Variants in B4GALNT3 observed in about 807,000 individuals in gnomAD.
B4GALNT3 encodes beta-1,4-N-acetylgalactosaminyltransferase 3.
A neutral mutation model predicts 120.2 loss-of-function variants in B4GALNT3; 86 were observed. The ratio of observed to expected loss-of-function variants is 0.72; its 90% confidence interval spans 0.60 to 0.86. B4GALNT3 has a LOEUF of 0.86. B4GALNT3 is among the 40% of genes least tolerant of loss of function. The pLI, the probability that B4GALNT3 is intolerant of heterozygous loss-of-function variation, is 0.00. For synonymous variants in B4GALNT3, 518 were observed against 510.4 expected (o/e 1.01, Z -0.20); for missense variants, 1,167 against 1,298.9 (o/e 0.90, Z 1.56).
chr12:545,649 AGTGAGGAGTGGGGAGGAGCGAGGT>A (rs1565608054), intron 6 of B4GALNT3, among the ~76,000 whole-genome samples, 180 bp downstream of exon 6: 4 of 144,880 alleles, frequency 2.8e-5, no homozygotes, highest in African/African-American at 1.0e-4. Flanking sequence ...GATGGGGAGG[AGTGAGGAGTGGGGAGGAGCGAGGT>A]GTGGGGAGGA....
chr12:511,694 T>TCCAC (rs1946566473), intron 1 of B4GALNT3, among the ~76,000 whole-genome samples: 4 of 23,348 alleles, frequency 1.7e-4, no homozygotes, highest in Admixed American at 5.6e-4. Flanking sequence ...CCACCTTCTG[T>TCCAC]CTTCCACCTT....
chr12:547,916 AAGG>A, intron 7 of B4GALNT3, 105 bp from the exon 8 acceptor site: 1 of 912,872 alleles, frequency 1.1e-6, no homozygotes, highest in Non-Finnish European at 1.8e-6. Flanking sequence ...TTCTAAGAGC[AAGG>A]AGAAGGGATG....
intron 1 of B4GALNT3, 119 bp from the exon 2 acceptor site, chr12:535,045 CCA>C: frequency 1.3e-6 from 1 of 773,722 alleles, no homozygotes; most frequent in Middle Eastern, 2.4e-4. Context: ...CTCTTCCCAC[CCA>C]CCCTCTGAAG....
At chr12:533,718 T>G (rs1946830248) in intron 1 of B4GALNT3, among the ~76,000 whole-genome samples, 1 of 151,880 alleles carries the variant, frequency 6.6e-6, no homozygotes, top group Non-Finnish European at 1.5e-5. Flanking sequence ...TCTCAGGAGG[T>G]TCTTAGAAGG....
chr12:485,594 A>G (rs1946283473), intron 1 of B4GALNT3, among the ~76,000 whole-genome samples: 1 of 152,208 alleles, frequency 6.6e-6, no homozygotes, highest in Non-Finnish European at 1.5e-5. Context: ...AATGACAACA[A>G]TGATTCTCAA....
chr12:558,426 T>C lies in B4GALNT3; in HGVS notation c.2608-82T>C, dbSNP rs1947185302. On this transcript the variant is annotated intron_variant, in intron 17 of 19. Transcript: ENST00000266383. ...TGTGAATCACTCCAATAGGGAAGAC[T>C]CCGAGGCTTCTCCTAGACGGCGACC... is the stretch of plus-strand genomic sequence containing the variant. The C allele has an allele frequency of 2.2e-6, 3 of 1,361,810 alleles. No individual in the cohort carries two copies. In the Admixed American group the frequency reaches 5.6e-5, roughly 25 times the overall value. The allele number at this position is 1,361,810 out of a possible 1,614,324, so 84.4% of individuals were successfully genotyped here.
In B4GALNT3 at chr12:526,674, G is replaced by A. The variant is rs185530778; in HGVS notation, c.170-8492G>A. Among the ~76,000 whole-genome samples, 458 of 152,166 alleles carry A rather than the reference G, an allele frequency of 3.0e-3. 1 individual carries two copies. Among genetic ancestry groups the A allele is most frequent in the Non-Finnish European group, 5.6e-3 (379 of 68,006 alleles). On this transcript the variant is annotated intron_variant, in intron 1 of 19. Coordinates refer to ENST00000266383, the MANE Select transcript of B4GALNT3 (RefSeq NM_173593.4). ...GGGCCCTTAAATGTTATAGGTGTTT[G>A]TTTGTTTGTTTGTTTGTAATGATGA...
rs556823085 is a variant in B4GALNT3 at position 548,366 on chromosome 12, C to CAGGGGAGG, written c.853+87_853+94dup. The CAGGGGAGG allele has an allele frequency of 1.3e-5, 19 of 1,497,002 alleles. No homozygotes were observed. The Admixed American group carries it at 1.4e-4, about 11-fold the overall frequency. 92.7% of individuals were successfully genotyped at this position (1,497,002 alleles called of 1,614,324 possible). A position where few individuals can be genotyped will look rare whatever the true frequency, so the allele number is the denominator to read the frequency against. Reference sequence around the variant, plus strand: ...GGACAGCCTACCCTGGGGGATTTGGCAGGGGAGGAGGGGAGGAGGGGAGGA... The same window carrying CAGGGGAGG: ...GGACAGCCTACCCTGGGGGATTTGGCAGGGGAGGAGGGGAGGAGGGGAGGAGGGGAGGA... On this transcript the variant is annotated intron_variant, in intron 9 of 19. Coordinates refer to ENST00000266383, the MANE Select transcript of B4GALNT3 (RefSeq NM_173593.4). The surrounding 1 kb of genome is among the most constrained non-coding windows in gnomAD (Gnocchi z 4.9).
chr12:552,327 A>C, intron 12 of B4GALNT3, 140 bp from the exon 13 acceptor site: 1 of 852,036 alleles, frequency 1.2e-6, no homozygotes, highest in South Asian at 1.6e-5. Flanking sequence ...ACACACACAC[A>C]CACACACACC....
intron 2 of B4GALNT3, among the ~76,000 whole-genome samples, chr12:535,666 AC>A (rs1289604913): frequency 1.3e-5 from 2 of 151,956 alleles, no homozygotes; most frequent in Admixed American, 1.3e-4. Flanking sequence ...GTGGATGGAC[AC>A]CCCTCCCTGC....
chr12:494,918 G>A (rs1160101217), intron 1 of B4GALNT3, among the ~76,000 whole-genome samples: 1 of 152,194 alleles, frequency 6.6e-6, no homozygotes, highest in African/African-American at 2.4e-5. Flanking sequence ...GGTTGAAAAT[G>A]TGAAAAGCCT....
At chr12:461,733 G>A (rs1273956131) in intron 1 of B4GALNT3, among the ~76,000 whole-genome samples, 2 of 152,216 alleles carry the variant, frequency 1.3e-5, no homozygotes, top group Non-Finnish European at 2.9e-5. Context: ...TGGCCAAAGA[G>A]AGAGAATTAC....
At position 561,377 on chromosome 12, in the gene B4GALNT3, T is replaced by C. The variant is rs201609633; in HGVS notation, c.2923T>C (p.Ser975Pro). The C allele has an allele frequency of 3.7e-6, 6 of 1,614,056 alleles. No individual in the cohort carries two copies. In the East Asian group the frequency reaches 1.3e-4, roughly 36 times the overall value. ...LQAGLDVERL[S>P]LRNFFHHFHS... ...AGCGGGCCTGGACGTGGAGCGTCTCTCCCTCAGGAATTTCTTCCATCATTT... is the reference window on the plus strand; with the variant it reads ...AGCGGGCCTGGACGTGGAGCGTCTCCCCCTCAGGAATTTCTTCCATCATTT... Residue 975 changes from serine to proline, a missense_variant, in exon 20 of 20, where the codon TCC becomes CCC. By Grantham distance (74) the Ser-to-Pro change is moderately conservative (BLOSUM62 -1). Transcript: ENST00000266383.
chr12:510,334 T>C (rs1203433111), intron 1 of B4GALNT3, among the ~76,000 whole-genome samples: 1 of 151,980 alleles, frequency 6.6e-6, no homozygotes, highest in African/African-American at 2.4e-5. Flanking sequence ...AAGAAGACTA[T>C]TGTGTCAACT....
chr12:535,648 G>C (rs1946851141), intron 2 of B4GALNT3, among the ~76,000 whole-genome samples: 1 of 152,326 alleles, frequency 6.6e-6, no homozygotes, highest in Admixed American at 6.5e-5. Context: ...GAGATCAGAG[G>C]TGACGAGGTG....
At chr12:512,567 C>G (rs1404474078) in intron 1 of B4GALNT3, among the ~76,000 whole-genome samples, 1 of 144,444 alleles carries the variant, frequency 6.9e-6, no homozygotes, top group East Asian at 2.1e-4. Flanking sequence ...TTCCACCTTC[C>G]ACCTTCCACC....
At chr12:553,116 A>T (rs945717094) in intron 13 of B4GALNT3, 78 bp from the exon 14 acceptor site, 7 of 1,559,116 alleles carry the variant, frequency 4.5e-6, no homozygotes, top group Non-Finnish European at 5.2e-6. Context: ...CACACGTATG[A>T]TCATCCTCTG....
At chr12:462,496 T>G (rs1565584757) in intron 1 of B4GALNT3, among the ~76,000 whole-genome samples, 1 of 151,352 alleles carries the variant, frequency 6.6e-6, no homozygotes, top group East Asian at 1.9e-4. Context: ...TCTGTTGGGT[T>G]CCCCTCCCAG....
chr12:473,050 C>G (rs1312685709), intron 1 of B4GALNT3, among the ~76,000 whole-genome samples: 1 of 151,664 alleles, frequency 6.6e-6, no homozygotes, highest in Non-Finnish European at 1.5e-5. Flanking sequence ...TTCACTGCAG[C>G]CTCGACTTCT....
Sources: gnomAD v4.1 joint callset for allele counts (sites outside exome capture counted in the v4.1 genomes callset) on GRCh38, gnomAD v4.1.1 for gene constraint, Gnocchi (gnomAD v3.1) non-coding constraint, MANE v1.5 for transcripts, NCBI Gene and HGNC (gene_info 2026-07-23, HGNC 2026-07-21) for gene names.